The following ABLIM1 variants were observed in gnomAD, a reference collection of about 807,000 sequenced individuals.
ABLIM1 encodes the protein actin binding LIM protein 1.
In ABLIM1, 40 loss-of-function variants were observed where a neutral mutation model predicts 107.0. That is an observed-to-expected ratio of 0.37 (90% CI 0.29 to 0.49). ABLIM1 has a LOEUF of 0.49. Ranked by LOEUF, ABLIM1 falls within the 20% of genes least tolerant of loss-of-function variation. The pLI is 0.97. For synonymous variants in ABLIM1, 357 were observed against 357.3 expected (o/e 1.00, Z 0.01); for missense variants, 857 against 1,008.5 (o/e 0.85, Z 2.04).
chr10:114,673,849 T>C (rs1471728571), intron 1 of ABLIM1, among the ~76,000 whole-genome samples: 1 of 152,106 alleles, frequency 6.6e-6, no homozygotes, highest in African/African-American at 2.4e-5. Context: ...TTTTTTGTTT[T>C]CAATAAAGAT....
chr10:114,601,265 CTTTTT>C, intron 2 of ABLIM1, among the ~76,000 whole-genome samples: 1 of 137,960 alleles, frequency 7.2e-6, no homozygotes. Context: ...CTCTTTCTTT[CTTTTT>C]TTTTTTTTTT....
intron 4 of ABLIM1, among the ~76,000 whole-genome samples, chr10:114,550,623 A>G (rs1224560848): frequency 6.6e-6 from 1 of 152,130 alleles, no homozygotes; most frequent in Non-Finnish European, 1.5e-5. Flanking sequence ...CTGAGTTTGG[A>G]CAAAGGTAGT....
intron 22 of ABLIM1, 85 bp from the exon 23 acceptor site, chr10:114,436,458 A>T: frequency 1.0e-6 from 1 of 998,598 alleles, no homozygotes; most frequent in South Asian, 1.5e-5. Flanking sequence ...TAGTTTATAC[A>T]GAGTCATTCT....
intron 1 of ABLIM1, among the ~76,000 whole-genome samples, chr10:114,749,256 G>A (rs975972992): frequency 1.3e-5 from 2 of 151,968 alleles, no homozygotes; most frequent in Admixed American, 6.6e-5. Flanking sequence ...TTATTCTTCT[G>A]GACTACATCA....
At chr10:114,478,371 A>G (rs1430091681) in intron 8 of ABLIM1, among the ~76,000 whole-genome samples, 1 of 152,162 alleles carries the variant, frequency 6.6e-6, no homozygotes, top group Admixed American at 6.6e-5. Flanking sequence ...TAGTGTTGAG[A>G]AATGCCCTGA....
intron 1 of ABLIM1, chr10:114,690,627 G>A (rs771414144): frequency 4.5e-5 from 34 of 762,482 alleles, no homozygotes; most frequent in East Asian, 3.2e-4. Context: ...GAAGAACACC[G>A]TGGGATTGAC....
intron 1 of ABLIM1, among the ~76,000 whole-genome samples, chr10:114,618,139 G>A (rs2077245905): frequency 6.6e-6 from 1 of 152,108 alleles, no homozygotes; most frequent in Non-Finnish European, 1.5e-5. Context: ...TGAAGATTCG[G>A]CTCTTACCAA....
intron 1 of ABLIM1, among the ~76,000 whole-genome samples, chr10:114,730,815 C>T (rs533463590): frequency 2.0e-5 from 3 of 152,098 alleles, no homozygotes; most frequent in Admixed American, 2.0e-4. Flanking sequence ...GCAGTCACTC[C>T]TCATTCCCCC....
chr10:114,434,509 T>TA lies in ABLIM1; in HGVS notation c.*1750dup, dbSNP rs1305120894. 1.3e-5 allele frequency: 2 copies of TA among 152,190 alleles called. No individual in the cohort carries two copies. The highest frequency in any genetic ancestry group is 4.8e-5 in the African/African-American group (2 of 41,446). 9.4% of individuals were successfully genotyped at this position (152,190 alleles called of 1,614,324 possible). On this transcript the variant is annotated 3_prime_UTR_variant, in exon 23 of 23. Coordinates refer to ENST00000533213, the MANE Select transcript of ABLIM1 (RefSeq NM_002313.7). ...TCAGAAACTATTCTACTTGCTTTTT[T>TA]ACCACTGGTGTCAGAGAGACAGCTT...
In ABLIM1 at chr10:114,575,556, G is replaced by A. The variant is rs376120417; in HGVS notation, c.423C>T (p.Asn141=). ...AGTCCAGGGTGCAGAGATACTCTCC[G>A]TTCTTTATGAAGAAGCCCCCTTGTG... ...DLAQGGFFIK[N]GEYLCTLDYQ... The change falls in exon 3 of 23, where the codon AAC becomes AAT. Residue 141 remains asparagine, a synonymous_variant. Transcript: ENST00000533213. 5.5e-5 allele frequency: 88 copies of A among 1,614,144 alleles called. No homozygotes were observed. Among genetic ancestry groups the A allele is most frequent in the African/African-American group, 5.3e-4 (40 of 75,044 alleles).
At chr10:114,468,118 A>T in intron 11 of ABLIM1, 63 bp downstream of exon 11, 1 of 1,438,006 alleles carries the variant, frequency 7.0e-7, no homozygotes, top group South Asian at 1.1e-5. Context: ...ATCCCAGTCT[A>T]GGGAAGGGCC....
intron 4 of ABLIM1, among the ~76,000 whole-genome samples, chr10:114,549,002 AC>A (rs1483444312): frequency 1.3e-5 from 2 of 152,206 alleles, no homozygotes; most frequent in African/African-American, 4.8e-5. Flanking sequence ...CATCCAGAAA[AC>A]CTTGAGACCC....
chr10:114,573,152 G>C (rs2071949027), intron 3 of ABLIM1, among the ~76,000 whole-genome samples: 1 of 152,130 alleles, frequency 6.6e-6, no homozygotes. Context: ...GCCCATACTG[G>C]ATAACTTCCT....
chr10:114,465,982 T>A (rs1281060936), intron 11 of ABLIM1, among the ~76,000 whole-genome samples, 155 bp from the exon 12 acceptor site: 2 of 152,364 alleles, frequency 1.3e-5, no homozygotes, highest in East Asian at 3.9e-4. Flanking sequence ...AGGTATTTTA[T>A]ATGCAAATAA....
In ABLIM1 at chr10:114,601,814, G is replaced by A. The variant is rs2139980407; in HGVS notation, c.379+13C>T. The stretch of plus-strand genomic sequence containing the variant: ...TGGCATGCCACTGAGCCACGAAGCT[G>A]GAGGCACCATACCTTTGCAGGTGAA... On this transcript the variant is annotated intron_variant, in intron 2 of 22. Coordinates refer to ENST00000533213, the MANE Select transcript of ABLIM1 (RefSeq NM_002313.7). 6.2e-7 allele frequency: 1 copy of A among 1,614,168 alleles called. No homozygotes were observed. Among genetic ancestry groups the A allele is most frequent in the East Asian group, 2.2e-5 (1 of 44,872 alleles).
chr10:114,791,183 C>T, the ABLIM1 span, among the ~76,000 whole-genome samples: 7 of 152,114 alleles, frequency 4.6e-5, no homozygotes, highest in African/African-American at 1.7e-4. Flanking sequence ...CTGGGCTAAA[C>T]TGATCCCGCC....
intron 16 of ABLIM1, 119 bp from the exon 17 acceptor site, chr10:114,444,253 G>T: frequency 1.2e-6 from 1 of 813,772 alleles, no homozygotes; most frequent in South Asian, 1.8e-5. Context: ...TGGAGGGCCT[G>T]AATGCATGTG....
intron 1 of ABLIM1, among the ~76,000 whole-genome samples, chr10:114,631,667 C>T (rs573716942): frequency 2.2e-4 from 34 of 152,026 alleles, no homozygotes; most frequent in Admixed American, 5.2e-4. Flanking sequence ...GAGACATACA[C>T]CCCAGAGCTC....
At chr10:114,782,238 T>G in the ABLIM1 span, among the ~76,000 whole-genome samples, 1 of 152,124 alleles carries the variant, frequency 6.6e-6, no homozygotes, top group African/African-American at 2.4e-5. Flanking sequence ...GCTAAGAACT[T>G]TTTAATACTT....
Sources: allele counts gnomAD v4.1 joint callset (sites outside exome capture counted in the v4.1 genomes callset), GRCh38; gene constraint gnomAD v4.1.1; transcripts MANE v1.5; gene names NCBI Gene and HGNC (gene_info 2026-07-23, HGNC 2026-07-21).